The following OS9 variants were observed in gnomAD, a reference collection of about 807,000 sequenced individuals.
OS9 encodes the protein OS9 endoplasmic reticulum lectin, also known as protein OS-9.
In OS9, 58 loss-of-function variants were observed where a neutral mutation model predicts 84.7. That is an observed-to-expected ratio of 0.68 (90% CI 0.55 to 0.85). The LOEUF (loss-of-function observed/expected upper bound fraction) is 0.85, where lower values mean the gene tolerates loss of function less well. OS9 is among the 40% of genes least tolerant of loss of function. The pLI is 0.00. For missense variants in OS9, 760 were observed against 850.9 expected (o/e 0.89, Z 1.33); for synonymous variants, 278 against 320.8 (o/e 0.87, Z 1.43).
intron 5 of OS9, among the ~76,000 whole-genome samples, chr12:57,707,411 G>A (rs1484836406): frequency 1.3e-5 from 2 of 152,216 alleles, no homozygotes; most frequent in African/African-American, 2.4e-5. Flanking sequence ...TCCAATCATG[G>A]TGAAAGGCAA....
chr12:57,705,156 A>G (rs1338598159), intron 5 of OS9, among the ~76,000 whole-genome samples: 1 of 152,134 alleles, frequency 6.6e-6, no homozygotes, highest in African/African-American at 2.4e-5. Flanking sequence ...TAGCTTTTTC[A>G]TAAATCTTGG....
chr12:57,711,343 T>A (rs1431638575), intron 5 of OS9, among the ~76,000 whole-genome samples: 18 of 33,880 alleles, frequency 5.3e-4, no homozygotes, highest in Non-Finnish European at 1.4e-3. Flanking sequence ...TATATCTTTT[T>A]TTTTTTTTTT....
intron 5 of OS9, among the ~76,000 whole-genome samples, chr12:57,698,239 T>C (rs1953923658): frequency 6.6e-6 from 1 of 152,134 alleles, no homozygotes; most frequent in African/African-American, 2.4e-5. Context: ...CCCAGAAAAT[T>C]AGTTAGTTGT....
intron 5 of OS9, among the ~76,000 whole-genome samples, chr12:57,701,260 T>C (rs192508208): frequency 7.6e-6 from 1 of 131,412 alleles, no homozygotes; most frequent in Non-Finnish European, 1.6e-5. Context: ...TCTGGTTGAG[T>C]GATTTTTTTT....
intron 11 of OS9, 76 bp downstream of exon 11, chr12:57,718,497 G>C: frequency 6.7e-7 from 1 of 1,492,006 alleles, no homozygotes; most frequent in Non-Finnish European, 9.1e-7. Context: ...CGGGCTAAAA[G>C]AAACAGAGGG....
At chr12:57,700,926 C>CAA in intron 5 of OS9, among the ~76,000 whole-genome samples, 1 of 150,396 alleles carries the variant, frequency 6.6e-6, no homozygotes, top group African/African-American at 2.4e-5. Flanking sequence ...TACAATTATA[C>CAA]AAAAAAAAAT....
At chr12:57,713,680 C>G (rs1697325427) in intron 5 of OS9, among the ~76,000 whole-genome samples, 1 of 151,504 alleles carries the variant, frequency 6.6e-6, no homozygotes, top group African/African-American at 2.4e-5. Flanking sequence ...GTCCCTCCCC[C>G]TCCACCGCCC....
chr12:57,695,595 A>G (rs530213036), intron 2 of OS9, 185 bp from the exon 3 acceptor site: 2 of 709,372 alleles, frequency 2.8e-6, no homozygotes, highest in South Asian at 3.0e-5. Flanking sequence ...TATCTCTCCA[A>G]GTCACAGAAG....
At chr12:57,697,655 G>A (rs901175434) in intron 5 of OS9, among the ~76,000 whole-genome samples, 3 of 152,170 alleles carry the variant, frequency 2.0e-5, no homozygotes, top group African/African-American at 7.2e-5. Context: ...TGGCTCTGTG[G>A]TTCTGGAATT....
chr12:57,716,414 G>A lies in OS9; in HGVS notation c.895G>A (p.Ala299Thr), dbSNP rs773308501. ...SGVAPQKMAG[A>T]SPTKDDSKDS... is the part of the protein sequence containing the mutation. ...TCTCCCTGTTCTCTGTACCCTAGGT[G>A]CGAGCCCGACCAAGGATGACAGTAA... The change falls in exon 8 of 15, where the codon GCG becomes ACG. Residue 299 changes from alanine (A) to threonine (T), a missense_variant and splice_region_variant. Transcript: ENST00000315970. 8 of 1,553,996 alleles carry A rather than the reference G, an allele frequency of 5.1e-6. No individual in the cohort carries two copies. The highest frequency in any genetic ancestry group is 1.2e-5 in the South Asian group (1 of 84,296).
rs61407014 is a variant in OS9 at position 57,697,924 on chromosome 12, TACACACACACAC to T, written c.579+1582_579+1593del. On this transcript the variant is annotated intron_variant, in intron 5 of 14. Transcript: ENST00000315970. ...ACATAAGCAAACACACACACACACA[TACACACACACAC>T]ACACACACACACACACACACACACA... is the stretch of plus-strand genomic sequence containing the variant. 7.9e-4 allele frequency among the ~76,000 whole-genome samples: 72 copies of T among 91,602 alleles called. 1 individual carries two copies. Among genetic ancestry groups the T allele is most frequent in the East Asian group, 2.0e-3 (8 of 3,988 alleles). The allele number at this position is 91,602 out of a possible 152,430, so 60.1% of individuals were successfully genotyped here.
intron 5 of OS9, among the ~76,000 whole-genome samples, chr12:57,708,276 A>G (rs1565774302): frequency 6.6e-6 from 1 of 151,600 alleles, no homozygotes; most frequent in African/African-American, 2.4e-5. Context: ...ATACTCTGAG[A>G]TTTTTTTAAA....
chr12:57,720,561 G>A (rs935918684), intron 14 of OS9, 43 bp downstream of exon 14: 12 of 1,450,612 alleles, frequency 8.3e-6, no homozygotes, highest in Admixed American at 3.4e-5. Context: ...CAGCCCTCCT[G>A]GAGTGGAGGT....
chr12:57,708,625 C>CAA (rs150314356), intron 5 of OS9, among the ~76,000 whole-genome samples: 4 of 117,686 alleles, frequency 3.4e-5, no homozygotes, highest in African/African-American at 6.2e-5. Flanking sequence ...GACACTGTCT[C>CAA]AAAAAAAAAA....
At chr12:57,709,588 G>A (rs1383363942) in intron 5 of OS9, among the ~76,000 whole-genome samples, 1 of 152,066 alleles carries the variant, frequency 6.6e-6, no homozygotes, top group African/African-American at 2.4e-5. Flanking sequence ...CTCCAATTAA[G>A]CAGTTCAAGA....
At chr12:57,714,945 C>T (rs1954439394) in intron 5 of OS9, among the ~76,000 whole-genome samples, 1 of 152,110 alleles carries the variant, frequency 6.6e-6, no homozygotes, top group African/African-American at 2.4e-5. Context: ...CTTAATTTAT[C>T]AAAGGCCAAT....
chr12:57,704,439 A>G (rs1197746131), intron 5 of OS9, among the ~76,000 whole-genome samples: 3 of 152,120 alleles, frequency 2.0e-5, no homozygotes, highest in Non-Finnish European at 4.4e-5. Context: ...CGGGAAACCG[A>G]GACAGGAGAA....
chr12:57,700,766 A>G (rs550064738), intron 5 of OS9, among the ~76,000 whole-genome samples: 1 of 151,694 alleles, frequency 6.6e-6, no homozygotes, highest in Non-Finnish European at 1.5e-5. Flanking sequence ...GGTACAGTAG[A>G]AAAAGTGAGA....
In OS9 at chr12:57,720,534, C is replaced by T. The variant is rs1954649049; in HGVS notation, c.1878+16C>T. 2.6e-6 allele frequency: 4 copies of T among 1,562,764 alleles called. No individual in the cohort carries two copies. The highest frequency in any genetic ancestry group is 2.6e-6 in the Non-Finnish European group (3 of 1,133,226). Reference sequence around the variant, plus strand: ...CAATATCTTGGTAAGAGGCTTCTACCCCCGAGTCCTGGCCCCCAGCCCTCC... The same window carrying T: ...CAATATCTTGGTAAGAGGCTTCTACTCCCGAGTCCTGGCCCCCAGCCCTCC... On this transcript the variant is annotated intron_variant, in intron 14 of 14. Coordinates refer to ENST00000315970, the MANE Select transcript of OS9 (RefSeq NM_006812.4).
Sources: gnomAD v4.1 joint callset for allele counts (sites outside exome capture counted in the v4.1 genomes callset) on GRCh38, gnomAD v4.1.1 for gene constraint, MANE v1.5 for transcripts, NCBI Gene and HGNC (gene_info 2026-07-23, HGNC 2026-07-21) for gene names.